Variants in RGS6 observed in about 807,000 individuals in gnomAD.
The protein encoded by RGS6 is regulator of G protein signaling 6.
A neutral mutation model predicts 78.5 loss-of-function variants in RGS6; 30 were observed. The observed-to-expected ratio is 0.38, with a 90% CI of 0.29 to 0.52. RGS6 has a LOEUF of 0.52. Ranked by LOEUF, RGS6 falls within the 20% of genes least tolerant of loss-of-function variation. The pLI, the probability that RGS6 is intolerant of heterozygous loss-of-function variation, is 0.85. For synonymous variants in RGS6, 206 were observed against 206.0 expected (o/e 1.00, Z 0.00); for missense variants, 495 against 609.7 (o/e 0.81, Z 1.98).
chr14:72,424,431 A>G (rs2094344230), intron 3 of RGS6, among the ~76,000 whole-genome samples: 1 of 152,188 alleles, frequency 6.6e-6, no homozygotes, highest in Admixed American at 6.5e-5. Context: ...TCTGGAATTA[A>G]TGCGTGTCCG....
rs971848608 is a variant in RGS6 at position 72,051,949 on chromosome 14, G to T, written c.84+87074G>T. Among the ~76,000 whole-genome samples, 3 of 152,164 alleles carry T rather than the reference G, an allele frequency of 2.0e-5. No homozygotes were observed. The South Asian group carries it at 6.2e-4, about 32-fold the overall frequency. ...CCTCTATAGATTCTAGTCTATCTAA[G>T]AAATTCTAGGTGGATGGTTTGCTTT... On this transcript the variant is annotated intron_variant, in intron 2 of 17. Transcript: ENST00000553525.
chr14:72,577,668 C>T, the RGS6 span, among the ~76,000 whole-genome samples: 1 of 152,226 alleles, frequency 6.6e-6, no homozygotes, highest in South Asian at 2.1e-4. Flanking sequence ...GAAGCTCTGC[C>T]TACCTATCAG....
chr14:72,368,696 T>C (rs1362721888), intron 3 of RGS6, among the ~76,000 whole-genome samples: 1 of 152,234 alleles, frequency 6.6e-6, no homozygotes, highest in African/African-American at 2.4e-5. Context: ...TCCCTGAGAA[T>C]TGCCCAAAGT....
intron 17 of RGS6, 119 bp downstream of exon 17, chr14:72,540,213 T>C (rs776542032): frequency 2.7e-6 from 4 of 1,500,314 alleles, no homozygotes; most frequent in Middle Eastern, 1.7e-4. Flanking sequence ...GGGAGTCCAG[T>C]GCTTTCTCCC....
intron 2 of RGS6, among the ~76,000 whole-genome samples, chr14:72,229,369 TGTG>T (rs2048955394): frequency 6.6e-6 from 1 of 151,514 alleles, no homozygotes; most frequent in Non-Finnish European, 1.5e-5. Context: ...TCTTGAACCT[TGTG>T]GGGAAAATCA....
At chr14:71,947,519 C>G (rs1285833579) in intron 1 of RGS6, among the ~76,000 whole-genome samples, 1 of 152,166 alleles carries the variant, frequency 6.6e-6, no homozygotes, top group Non-Finnish European at 1.5e-5. Context: ...GGGTCTCACT[C>G]TGTTGCCCAG....
At chr14:72,144,348 G>A (rs1381922305) in intron 2 of RGS6, among the ~76,000 whole-genome samples, 1 of 152,140 alleles carries the variant, frequency 6.6e-6, no homozygotes, top group Non-Finnish European at 1.5e-5. Context: ...GGAAAAGTTT[G>A]CAAACTTATT....
chr14:72,058,229 C>A (rs1227979329), intron 2 of RGS6, among the ~76,000 whole-genome samples: 1 of 152,058 alleles, frequency 6.6e-6, no homozygotes, highest in Non-Finnish European at 1.5e-5. Context: ...TACTCATCTT[C>A]CAAAAAATCT....
intron 2 of RGS6, among the ~76,000 whole-genome samples, chr14:72,045,719 AG>A (rs771780268): frequency 1.8e-4 from 28 of 151,484 alleles, no homozygotes; most frequent in Admixed American, 5.3e-4. Context: ...AAAAAAAAAA[AG>A]CTCCCATAAT....
chr14:72,356,053 A>G (rs1048066333), intron 3 of RGS6, among the ~76,000 whole-genome samples: 13 of 152,146 alleles, frequency 8.5e-5, no homozygotes, highest in Admixed American at 3.3e-4. Context: ...AGATCACTCT[A>G]TTATATTCAG....
chr14:72,399,123 C>T (rs189000557), intron 3 of RGS6, among the ~76,000 whole-genome samples: 5,113 of 146,098 alleles, frequency 0.035, 162 homozygotes, highest in Admixed American at 0.062. Context: ...CTTTCTGTCT[C>T]GTTGATCTGT....
At chr14:72,568,300 C>T (rs1176926533), downstream of RGS6, among the ~76,000 whole-genome samples, 1 of 152,198 alleles carries the variant, frequency 6.6e-6, no homozygotes, top group Non-Finnish European at 1.5e-5. Context: ...AGGGCTTAGC[C>T]TGGGCCTGAC....
intron 3 of RGS6, among the ~76,000 whole-genome samples, chr14:72,377,163 T>C (rs1293213095): frequency 6.6e-6 from 1 of 152,062 alleles, no homozygotes; most frequent in African/African-American, 2.4e-5. Context: ...GAAACTCATC[T>C]CACCTATAAA....
At chr14:71,880,757 C>G in the RGS6 span, among the ~76,000 whole-genome samples, 11 of 152,254 alleles carry the variant, frequency 7.2e-5, no homozygotes, top group African/African-American at 2.4e-4. Flanking sequence ...CATGGACAAC[C>G]TCTGCTAGGG....
At chr14:72,125,130 G>C (rs1413522347) in intron 2 of RGS6, among the ~76,000 whole-genome samples, 1 of 152,136 alleles carries the variant, frequency 6.6e-6, no homozygotes, top group Non-Finnish European at 1.5e-5. Flanking sequence ...GGTCCTGAGG[G>C]GGACGTCTTT....
At chr14:72,169,889 A>G (rs1306961257) in intron 2 of RGS6, among the ~76,000 whole-genome samples, 1 of 152,226 alleles carries the variant, frequency 6.6e-6, no homozygotes, top group Non-Finnish European at 1.5e-5. Flanking sequence ...GGGAATCCGA[A>G]TCTGCATTTT....
Position 72,074,225 on chromosome 14 carries a change from C to A in RGS6, c.84+109350C>A, listed in dbSNP as rs527262422. ...TATTTATTTTTCTATGAGGCAGGGT[C>A]TCGCTCTGCCGCTCAGACTGGAATG... On this transcript the variant is annotated intron_variant, in intron 2 of 17. Coordinates refer to ENST00000553525, the MANE Select transcript of RGS6 (RefSeq NM_001204424.2). 5.3e-5 allele frequency among the ~76,000 whole-genome samples: 8 copies of A among 152,344 alleles called. No homozygotes were observed. In the South Asian group the frequency reaches 6.2e-4, roughly 12 times the overall value.
chr14:71,984,298 TAA>T lies in RGS6; in HGVS notation c.84+19446_84+19447del, dbSNP rs59180817. 3.8e-3 allele frequency among the ~76,000 whole-genome samples: 450 copies of T among 119,960 alleles called. 1 individual carries two copies. The highest frequency in any genetic ancestry group is 0.013 in the African/African-American group (401 of 30,948). 78.7% of individuals were successfully genotyped at this position (119,960 alleles called of 152,430 possible). ...TTTTGGGGAAGAAACTGAATTATGT[TAA>T]AAAAAAAAAAAAAAAAAAAAAACAA... is the stretch of plus-strand genomic sequence containing the variant. On this transcript the variant is annotated intron_variant, in intron 2 of 17. Coordinates refer to ENST00000553525, the MANE Select transcript of RGS6 (RefSeq NM_001204424.2).
At chr14:72,413,483 C>T (rs573427634) in intron 3 of RGS6, among the ~76,000 whole-genome samples, 32 of 152,278 alleles carry the variant, frequency 2.1e-4, no homozygotes, top group Admixed American at 2.0e-3. Flanking sequence ...AGATGGGTTT[C>T]CTGAATACAG....
Sources: allele counts gnomAD v4.1 joint callset (sites outside exome capture counted in the v4.1 genomes callset), GRCh38; gene constraint gnomAD v4.1.1; transcripts MANE v1.5; gene names NCBI Gene and HGNC (gene_info 2026-07-23, HGNC 2026-07-21).